ALK: variants seen among roughly 807,000 people sequenced by gnomAD.
ALK encodes the protein ALK receptor tyrosine kinase.
In ALK, 74 loss-of-function variants were observed where a neutral mutation model predicts 163.1. The observed-to-expected ratio is 0.45, with a 90% CI of 0.38 to 0.55. The LOEUF (loss-of-function observed/expected upper bound fraction) is 0.55. Ranked by LOEUF, ALK falls within the 20% of genes least tolerant of loss-of-function variation. The pLI is 0.00. For synonymous variants in ALK, 960 were observed against 843.2 expected, an observed-to-expected ratio of 1.14 and a Z score of -2.40; for missense variants, 2,063 against 2,105.3, an observed-to-expected ratio of 0.98 and a Z score of 0.39.
chr2:29,540,459 T>A (rs1017611533), intron 3 of ALK, among the ~76,000 whole-genome samples: 5 of 152,124 alleles, frequency 3.3e-5, no homozygotes, highest in African/African-American at 1.2e-4. Context: ...ATCACCGTTC[T>A]TGCTATGCTT....
chr2:29,383,324 T>C (rs1668950563), intron 5 of ALK, among the ~76,000 whole-genome samples: 1 of 151,966 alleles, frequency 6.6e-6, no homozygotes, highest in Non-Finnish European at 1.5e-5. Context: ...CTCTAGACTT[T>C]TTTTTTTTTT....
chr2:29,482,113 C>T (rs979298304), intron 4 of ALK, among the ~76,000 whole-genome samples: 14 of 152,140 alleles, frequency 9.2e-5, no homozygotes, highest in Non-Finnish European at 4.4e-5. Context: ...TGCCTCTTCC[C>T]TCAAGAAAGG....
At chr2:29,788,211 G>A (rs543776327) in intron 1 of ALK, among the ~76,000 whole-genome samples, 3 of 152,302 alleles carry the variant, frequency 2.0e-5, no homozygotes, top group South Asian at 4.1e-4. Flanking sequence ...GTGATAACTC[G>A]CTGAGTGCTT....
chr2:29,594,088 T>C (rs1024799697), intron 3 of ALK, among the ~76,000 whole-genome samples: 4 of 152,124 alleles, frequency 2.6e-5, no homozygotes, highest in African/African-American at 9.7e-5. Flanking sequence ...AAACATCCTA[T>C]AATCACAAGG....
At chr2:29,514,719 A>G (rs941886902) in intron 4 of ALK, among the ~76,000 whole-genome samples, 12 of 152,326 alleles carry the variant, frequency 7.9e-5, no homozygotes, top group Admixed American at 3.3e-4. Flanking sequence ...CAGTTGGTCA[A>G]GCTAAAAATA....
At chr2:29,217,894 T>C (rs1669685154) in intron 23 of ALK, among the ~76,000 whole-genome samples, 1 of 152,116 alleles carries the variant, frequency 6.6e-6, no homozygotes, top group African/African-American at 2.4e-5. Flanking sequence ...TGTTTCTCCA[T>C]CCCTCATGTC....
chr2:29,861,887 C>T (rs762633710), intron 1 of ALK, among the ~76,000 whole-genome samples: 14 of 152,132 alleles, frequency 9.2e-5, no homozygotes, highest in Non-Finnish European at 1.8e-4. Context: ...CAACAAAATA[C>T]TAGCAAAATG....
intron 4 of ALK, among the ~76,000 whole-genome samples, chr2:29,498,918 C>T (rs1348018744): frequency 6.6e-6 from 1 of 152,114 alleles, no homozygotes; most frequent in Non-Finnish European, 1.5e-5. Context: ...AGGAGTATAG[C>T]ATTTGGAAGC....
intron 3 of ALK, among the ~76,000 whole-genome samples, chr2:29,625,897 C>G (rs1676180653): frequency 2.6e-5 from 4 of 152,222 alleles, no homozygotes; most frequent in Admixed American, 2.6e-4. Flanking sequence ...GGCAGACATC[C>G]ACTGAGGTCT....
At chr2:29,322,898 G>T (rs1267537805) in intron 6 of ALK, among the ~76,000 whole-genome samples, 1 of 152,182 alleles carries the variant, frequency 6.6e-6, no homozygotes, top group Non-Finnish European at 1.5e-5. Flanking sequence ...ATTCCAGTGG[G>T]TGATGGATTC....
intron 3 of ALK, among the ~76,000 whole-genome samples, chr2:29,599,776 A>C (rs1675324546): frequency 6.6e-6 from 1 of 152,268 alleles, no homozygotes; most frequent in Admixed American, 6.5e-5. Context: ...ACATCTCATG[A>C]GACCAAAATG....
chr2:29,445,093 C>T (rs1670639419), intron 4 of ALK, among the ~76,000 whole-genome samples: 1 of 152,192 alleles, frequency 6.6e-6, no homozygotes. Flanking sequence ...GTGTGTCTCC[C>T]CTGAGCCTCT....
chr2:29,216,747 A>T (rs374524465), intron 23 of ALK, among the ~76,000 whole-genome samples: 4,258 of 148,000 alleles, frequency 0.029, 182 homozygotes, highest in African/African-American at 0.1. Flanking sequence ...TGTTTTGTGT[A>T]CGTGTGTGGT....
chr2:29,697,617 C>T (rs1279051611), intron 2 of ALK, among the ~76,000 whole-genome samples: 2 of 152,128 alleles, frequency 1.3e-5, no homozygotes, highest in Admixed American at 6.5e-5. Flanking sequence ...ATCCTCTCCC[C>T]GAAGCCGTGG....
At chr2:29,762,800 A>G (rs1680745261) in intron 1 of ALK, among the ~76,000 whole-genome samples, 1 of 152,176 alleles carries the variant, frequency 6.6e-6, no homozygotes, top group Non-Finnish European at 1.5e-5. Context: ...TTTAAAAGAA[A>G]GGGATTGGCT....
chr2:29,561,543 A>G (rs1318312872), intron 3 of ALK, among the ~76,000 whole-genome samples: 1 of 152,164 alleles, frequency 6.6e-6, no homozygotes, highest in Non-Finnish European at 1.5e-5. Flanking sequence ...AAAATGGAGC[A>G]TGTTCACTGT....
intron 4 of ALK, among the ~76,000 whole-genome samples, chr2:29,385,430 C>A (rs1669010893): frequency 1.4e-5 from 2 of 147,968 alleles, no homozygotes. Flanking sequence ...GCTGTATGGT[C>A]CAGACTGGAG....
intron 4 of ALK, among the ~76,000 whole-genome samples, chr2:29,388,180 A>G (rs1203130263): frequency 2.6e-5 from 4 of 152,230 alleles, no homozygotes; most frequent in Admixed American, 1.3e-4. Flanking sequence ...CACATCTGAT[A>G]CAAGGCAAGC....
chr2:29,841,147 A>G (rs1665687588), intron 1 of ALK, among the ~76,000 whole-genome samples: 1 of 152,196 alleles, frequency 6.6e-6, no homozygotes, highest in Non-Finnish European at 1.5e-5. Context: ...ATTTTACCTT[A>G]AAAGGTCTTA....
Sources: gnomAD v4.1 joint callset for allele counts (sites outside exome capture counted in the v4.1 genomes callset) on GRCh38, gnomAD v4.1.1 for gene constraint, MANE v1.5 for transcripts, NCBI Gene and HGNC (gene_info 2026-07-23, HGNC 2026-07-21) for gene names.